Variants in CA10 observed in about 807,000 individuals in gnomAD.
CA10 encodes carbonic anhydrase-related protein 10.
In CA10, 14 loss-of-function variants were observed where a neutral mutation model predicts 44.2. That is an observed-to-expected ratio of 0.32 (90% CI 0.21 to 0.50). CA10 has a LOEUF of 0.50. Ranked by LOEUF, CA10 falls within the 20% of genes least tolerant of loss-of-function variation. The pLI, the probability that CA10 is intolerant of heterozygous loss-of-function variation, is 0.99. For synonymous variants in CA10, 159 were observed against 141.6 expected, an observed-to-expected ratio of 1.12 and a Z score of -0.87; for missense variants, 350 against 409.7, an observed-to-expected ratio of 0.85 and a Z score of 1.26.
chr17:51,799,422 T>G (rs779950569), intron 3 of CA10, among the ~76,000 whole-genome samples: 7 of 152,184 alleles, frequency 4.6e-5, no homozygotes, highest in Non-Finnish European at 1.0e-4. Context: ...GGGGATTTAC[T>G]GGCTGTTGGC....
At chr17:51,827,938 C>T (rs1036732658) in intron 3 of CA10, among the ~76,000 whole-genome samples, 1 of 152,218 alleles carries the variant, frequency 6.6e-6, no homozygotes, top group African/African-American at 2.4e-5. Context: ...TCTCTTCTCT[C>T]ATATGCTGGC....
chr17:51,885,730 GC>G (rs1449178860), intron 3 of CA10, among the ~76,000 whole-genome samples: 2 of 152,174 alleles, frequency 1.3e-5, no homozygotes, highest in Non-Finnish European at 2.9e-5. Context: ...TCAGACAGGG[GC>G]CAATGCCTTC....
At chr17:52,038,970 T>C (rs2144187512) in intron 2 of CA10, among the ~76,000 whole-genome samples, 1 of 152,300 alleles carries the variant, frequency 6.6e-6, no homozygotes, top group East Asian at 1.9e-4. Flanking sequence ...AGGCCTGTTA[T>C]TTCTCTTGGC....
At chr17:52,091,900 T>C (rs574935425) in intron 1 of CA10, among the ~76,000 whole-genome samples, 9 of 152,314 alleles carry the variant, frequency 5.9e-5, no homozygotes, top group Admixed American at 2.0e-4. Flanking sequence ...GCATAGCCAG[T>C]GAGGTTTTAT....
intron 1 of CA10, among the ~76,000 whole-genome samples, chr17:52,108,941 T>A (rs1050037481): frequency 6.6e-6 from 1 of 152,008 alleles, no homozygotes; most frequent in Non-Finnish European, 1.5e-5. Flanking sequence ...ACAAACTTTT[T>A]TTAAAAAAAA....
At chr17:52,022,090 C>T (rs890781748) in intron 2 of CA10, among the ~76,000 whole-genome samples, 1 of 151,980 alleles carries the variant, frequency 6.6e-6, no homozygotes, top group Admixed American at 6.6e-5. Flanking sequence ...AGAGACTCCT[C>T]CCTAATTCAT....
At chr17:52,147,997 A>C (rs2143402988) in intron 1 of CA10, among the ~76,000 whole-genome samples, 1 of 152,312 alleles carries the variant, frequency 6.6e-6, no homozygotes, top group South Asian at 2.1e-4. Flanking sequence ...AGGACAGCAA[A>C]TCCACTCTGT....
At chr17:51,648,269 T>G (rs1164850434) in intron 6 of CA10, among the ~76,000 whole-genome samples, 1 of 152,216 alleles carries the variant, frequency 6.6e-6, no homozygotes, top group Non-Finnish European at 1.5e-5. Context: ...ATGTGGGTGC[T>G]TGGATGTTTG....
At chr17:51,640,637 C>T (rs1597955866) in intron 6 of CA10, among the ~76,000 whole-genome samples, 1 of 152,180 alleles carries the variant, frequency 6.6e-6, no homozygotes, top group East Asian at 1.9e-4. Context: ...TCTGTTGAAG[C>T]TTGCTTTGTA....
In CA10 at chr17:52,131,625, G is replaced by C. The variant is rs547981874; in HGVS notation, c.61+26101C>G. On this transcript the variant is annotated intron_variant, in intron 1 of 8. Transcript: ENST00000451037. ...AAGATAGAGAGCATTTAATTTTGTAGAGAGCTTTCAGTACTAAAATAGGTA... is the reference window on the plus strand; with the variant it reads ...AAGATAGAGAGCATTTAATTTTGTACAGAGCTTTCAGTACTAAAATAGGTA... Among the ~76,000 whole-genome samples, 135 of 152,310 alleles carry C rather than the reference G, an allele frequency of 8.9e-4. 1 individual carries two copies. Among genetic ancestry groups the C allele is most frequent in the Non-Finnish European group, 1.3e-3 (89 of 68,024 alleles).
chr17:52,005,197 T>C (rs1300517082), intron 2 of CA10, among the ~76,000 whole-genome samples: 2 of 151,956 alleles, frequency 1.3e-5, no homozygotes, highest in African/African-American at 2.4e-5. Flanking sequence ...AGGACCTTAA[T>C]GATTCTACAA....
intron 3 of CA10, among the ~76,000 whole-genome samples, chr17:51,851,117 C>G (rs146299204): frequency 1.3e-5 from 2 of 152,202 alleles, no homozygotes; most frequent in Non-Finnish European, 2.9e-5. Flanking sequence ...GGGTGGCAGA[C>G]CCAGTTCCAA....
chr17:51,850,831 T>C (rs1978761285), intron 3 of CA10, among the ~76,000 whole-genome samples: 1 of 152,174 alleles, frequency 6.6e-6, no homozygotes, highest in Non-Finnish European at 1.5e-5. Context: ...TTTCTTCCCA[T>C]AGAATCTTTG....
At chr17:52,079,661 T>G (rs1166676516) in intron 1 of CA10, among the ~76,000 whole-genome samples, 2 of 152,098 alleles carry the variant, frequency 1.3e-5, no homozygotes, top group Non-Finnish European at 2.9e-5. Context: ...TCAGTGGGAA[T>G]GTGGACAAAA....
At chr17:52,046,622 CCAAA>C (rs1263106328) in intron 2 of CA10, among the ~76,000 whole-genome samples, 1 of 151,760 alleles carries the variant, frequency 6.6e-6, no homozygotes, top group African/African-American at 2.4e-5. Context: ...TGCCTTTCTA[CCAAA>C]CATTTAATCT....
intron 4 of CA10, among the ~76,000 whole-genome samples, chr17:51,686,931 C>T (rs1915029717): frequency 6.6e-6 from 1 of 152,174 alleles, no homozygotes; most frequent in African/African-American, 2.4e-5. Flanking sequence ...ACCATCAAGT[C>T]CAACCTGTAC....
chr17:51,809,288 A>G (rs1907262291), intron 3 of CA10, among the ~76,000 whole-genome samples: 1 of 152,134 alleles, frequency 6.6e-6, no homozygotes, highest in Admixed American at 6.5e-5. Flanking sequence ...ATTTCTAAAC[A>G]CCTATTATGT....
At chr17:51,885,996 C>A (rs1980582017) in intron 3 of CA10, among the ~76,000 whole-genome samples, 1 of 152,140 alleles carries the variant, frequency 6.6e-6, no homozygotes, top group Admixed American at 6.5e-5. Context: ...TAAACAAAAG[C>A]CTTCGAGAAA....
chr17:51,927,781 T>A (rs938367148), intron 3 of CA10, among the ~76,000 whole-genome samples: 3 of 152,190 alleles, frequency 2.0e-5, no homozygotes, highest in Admixed American at 1.3e-4. Flanking sequence ...AAACATCATT[T>A]ATATCATAAT....
Sources: allele counts gnomAD v4.1 joint callset (sites outside exome capture counted in the v4.1 genomes callset), GRCh38; gene constraint gnomAD v4.1.1; transcripts MANE v1.5; gene names NCBI Gene and HGNC (gene_info 2026-07-23, HGNC 2026-07-21).